The following NUP188 variants were observed in gnomAD, a reference collection of about 807,000 sequenced individuals.
NUP188 encodes nucleoporin 188, also known as nucleoporin NUP188.
A neutral mutation model predicts 223.0 loss-of-function variants in NUP188; 97 were observed. The ratio of observed to expected loss-of-function variants is 0.43; its 90% CI spans 0.37 to 0.51. The LOEUF (loss-of-function observed/expected upper bound fraction) is 0.51. Ranked by LOEUF, NUP188 falls within the 20% of genes least tolerant of loss-of-function variation. NUP188 has a pLI of 0.00. For synonymous variants in NUP188, 869 were observed against 828.0 expected (o/e 1.05, Z -0.85); for missense variants, 1,947 against 2,175.6 (o/e 0.89, Z 2.09).
intron 14 of NUP188, 31 bp downstream of exon 14, chr9:128,980,756 A>G (rs767161413): frequency 3.1e-6 from 5 of 1,608,900 alleles, no homozygotes; most frequent in Non-Finnish European, 4.2e-6. Context: ...AGTAAAGAGA[A>G]TGGGAGATTC....
At chr9:128,990,934 C>A (rs1033509928) in intron 25 of NUP188, among the ~76,000 whole-genome samples, 2 of 152,116 alleles carry the variant, frequency 1.3e-5, no homozygotes, top group African/African-American at 4.8e-5. Context: ...CAGAGAGTTG[C>A]TTGAACCCGG....
rs1227426082 is a variant in NUP188, at chr9:128,999,677, C to G, written c.3715C>G (p.Gln1239Glu). The G allele has an allele frequency of 1.2e-6, 2 of 1,614,090 alleles. No homozygotes were observed. Among genetic ancestry groups the G allele is most frequent in the East Asian group, 4.5e-5 (2 of 44,886 alleles). Residue 1239 changes from glutamine to glutamate, a missense_variant, in exon 34 of 44, where the codon CAA becomes GAA. By Grantham distance (29) the Gln-to-Glu change is conservative. Transcript: ENST00000372577. Reference sequence around the variant, plus strand: ...GGTGCTGAATGTCTGTGAGACCCTCCAAGAGGAAGTGATTGCACTCTTCGA... The same window carrying G: ...GGTGCTGAATGTCTGTGAGACCCTCGAAGAGGAAGTGATTGCACTCTTCGA... ...QLVLNVCETL[Q>E]EEVIALFDQT...
chr9:128,977,970 T>C (rs1475492854), intron 12 of NUP188, among the ~76,000 whole-genome samples: 1 of 152,190 alleles, frequency 6.6e-6, no homozygotes, highest in Non-Finnish European at 1.5e-5. Context: ...CAGAAATTAC[T>C]GTCCCCATTT....
rs765045012 is a variant in NUP188, at chr9:129,005,187, T to G, written c.4475T>G (p.Leu1492Arg). The G allele has an allele frequency of 6.2e-7, 1 of 1,614,152 alleles. No homozygotes were observed. The highest frequency in any genetic ancestry group is 8.5e-7 in the Non-Finnish European group (1 of 1,179,992). ...GYLCQACTSLLHSRKMLQHYL... is the reference protein window; with the variant it reads ...GYLCQACTSLRHSRKMLQHYL... ...TTGTGCCAGGCATGTACCTCTCTCC[T>G]GCACAGTCGAAAGATGCTGCAGCAT... Residue 1492 changes from leucine (L) to arginine (R), a missense_variant, in exon 39 of 44, where the codon CTG becomes CGG. By Grantham distance (102) the Leu-to-Arg change is moderately radical. Coordinates refer to ENST00000372577, the MANE Select transcript of NUP188 (RefSeq NM_015354.3).
intron 2 of NUP188, 75 bp from the exon 3 acceptor site, chr9:128,952,697 TG>T: frequency 7.7e-7 from 1 of 1,305,626 alleles, no homozygotes; most frequent in Non-Finnish European, 1.1e-6. Context: ...CACTCCAGCC[TG>T]GGTGATAGAG....
intron 34 of NUP188, among the ~76,000 whole-genome samples, chr9:129,000,992 G>A (rs890923616): frequency 6.6e-6 from 1 of 152,086 alleles, no homozygotes; most frequent in Non-Finnish European, 1.5e-5. Context: ...AGCCGAGATC[G>A]CGCCGCTGCA....
chr9:128,975,159 T>G lies in NUP188; in HGVS notation c.1203+1910T>G, dbSNP rs117977801. Among the ~76,000 whole-genome samples, 369 of 152,158 alleles carry G rather than the reference T, an allele frequency of 2.4e-3. 7 individuals are homozygous for G. In the East Asian group the frequency reaches 0.042, roughly 17 times the overall value. ...ATATATTTTGATAGCTCTGTTGCTT[T>G]CTTGTCTTTTTTATTTTCTCCGTTG... On this transcript the variant is annotated intron_variant, in intron 12 of 43. Coordinates refer to ENST00000372577, the MANE Select transcript of NUP188 (RefSeq NM_015354.3).
intron 33 of NUP188, 130 bp downstream of exon 33, chr9:128,999,447 T>C: frequency 7.5e-6 from 10 of 1,337,332 alleles, no homozygotes; most frequent in Non-Finnish European, 1.0e-5. Context: ...ATGGAATTCT[T>C]ACCCCAAGAA....
At chr9:128,999,122 G>C (rs1842589298) in intron 32 of NUP188, 50 bp from the exon 33 acceptor site, 9 of 1,561,080 alleles carry the variant, frequency 5.8e-6, no homozygotes, top group African/African-American at 1.4e-5. Context: ...CAAAGTGCTA[G>C]GATTACAGGC....
intron 31 of NUP188, 45 bp from the exon 32 acceptor site, chr9:128,998,493 C>A: frequency 6.5e-7 from 1 of 1,532,482 alleles, no homozygotes; most frequent in Non-Finnish European, 9.0e-7. Context: ...GGATGGCATG[C>A]GAATCTTTCC....
chr9:128,959,027 G>C lies in NUP188; in HGVS notation c.478G>C (p.Asp160His). The change falls in exon 8 of 44, where the codon GAC becomes CAC. Residue 160 changes from aspartate to histidine, a missense_variant. Physicochemically the swap from Asp to His is moderately conservative, Grantham distance 81. Coordinates refer to ENST00000372577, the MANE Select transcript of NUP188 (RefSeq NM_015354.3). Reference sequence around the variant, plus strand: ...TGATTTTTTAAAGGTTGAATATGCAGACTGTGTTGATAAATTGGAGAAGGA... The same window carrying C: ...TGATTTTTTAAAGGTTGAATATGCACACTGTGTTGATAAATTGGAGAAGGA... ...ERHPYRVEYA[D>H]CVDKLEKELV... 1 of 1,581,286 alleles carries C rather than the reference G, an allele frequency of 6.3e-7. No homozygotes were observed. Among genetic ancestry groups the C allele is most frequent in the East Asian group, 2.3e-5 (1 of 44,246 alleles).
At chr9:128,981,458 G>A in intron 15 of NUP188, 68 bp downstream of exon 15, 1 of 1,502,086 alleles carries the variant, frequency 6.7e-7, no homozygotes, top group Non-Finnish European at 9.0e-7. Flanking sequence ...TGTCACCCAA[G>A]CTGGAGTGCA....
intron 3 of NUP188, 78 bp from the exon 4 acceptor site, chr9:128,956,272 A>G: frequency 1.2e-6 from 1 of 847,556 alleles, no homozygotes; most frequent in Admixed American, 3.2e-5. Context: ...GTCTGTAGGA[A>G]AAATATTTTA....
intron 15 of NUP188, 41 bp downstream of exon 15, chr9:128,981,431 T>C: frequency 6.3e-7 from 1 of 1,578,708 alleles, no homozygotes; most frequent in Non-Finnish European, 8.6e-7. Context: ...GCTTTTTTTT[T>C]TTTTGATGTC....
At chr9:128,987,542 A>T in intron 22 of NUP188, 47 bp from the exon 23 acceptor site, 1 of 1,582,912 alleles carries the variant, frequency 6.3e-7, no homozygotes, top group African/African-American at 1.3e-5. Context: ...TCCTTCCAAG[A>T]TACACTGAGT....
At chr9:128,984,694 T>A (rs1842308048) in intron 19 of NUP188, among the ~76,000 whole-genome samples, 1 of 152,200 alleles carries the variant, frequency 6.6e-6, no homozygotes, top group Admixed American at 6.5e-5. Flanking sequence ...TTGATTTTTT[T>A]ACTTTCAATC....
At position 129,002,887 on chromosome 9, in the gene NUP188, T is replaced by A; in HGVS notation, c.4208T>A (p.Leu1403Gln). The change falls in exon 37 of 44, where the codon CTG (leucine) becomes CAG (glutamine). Residue 1403 changes from leucine (L) to glutamine (Q), a missense_variant. By Grantham distance (113) the Leu-to-Gln change is moderately radical. Around this residue, in one of 3 missense-constraint regions of NUP188, gnomAD observed 905 missense variants for 990.6 expected, o/e 0.91. Transcript: ENST00000372577. ...GGAGTCTACCGCCTGTCCATGTCCC[T>A]GATGGAGCAGCTGCTCAAAACTCTG... ...WPGVYRLSMS[L>Q]MEQLLKTLRY... 1 of 1,614,194 alleles carries A rather than the reference T, an allele frequency of 6.2e-7. No homozygotes were observed. The highest frequency in any genetic ancestry group is 8.5e-7 in the Non-Finnish European group (1 of 1,180,020).
At chr9:129,006,176 T>C in intron 42 of NUP188, 53 bp downstream of exon 42, 4 of 1,614,098 alleles carry the variant, frequency 2.5e-6, no homozygotes, top group Non-Finnish European at 3.4e-6. Context: ...ATGGGCCCAC[T>C]GTTCTCAAGC....
At chr9:128,949,457 C>G (rs1050315910) in intron 2 of NUP188, among the ~76,000 whole-genome samples, 2 of 151,770 alleles carry the variant, frequency 1.3e-5, no homozygotes, top group Admixed American at 6.6e-5. Context: ...CTCAGCTTCT[C>G]GAGTAGCTGG....
Sources: allele counts gnomAD v4.1 joint callset (sites outside exome capture counted in the v4.1 genomes callset), GRCh38; gene constraint gnomAD v4.1.1; regional missense constraint gnomAD v4.1.1; transcripts MANE v1.5; gene names NCBI Gene and HGNC (gene_info 2026-07-23, HGNC 2026-07-21).